Variants in FBLN2 observed in about 807,000 individuals in gnomAD.
FBLN2 encodes the protein fibulin-2.
FBLN2 carries 81 observed loss-of-function variants against 123.7 expected under a neutral mutation model. The ratio of observed to expected loss-of-function variants is 0.65; its 90% confidence interval spans 0.55 to 0.79. FBLN2 has a LOEUF of 0.79. Among genes scored for constraint, FBLN2 ranks in the 30% least tolerant of loss-of-function variants. FBLN2 has a pLI of 0.00. For missense variants in FBLN2, 1,603 were observed against 1,681.3 expected, an observed-to-expected ratio of 0.95 and a Z score of 0.81; for synonymous variants, 699 against 701.4, an observed-to-expected ratio of 1.00 and a Z score of 0.05.
intron 1 of FBLN2, among the ~76,000 whole-genome samples, chr3:13,554,243 C>G (rs1317111734): frequency 1.3e-5 from 2 of 152,182 alleles, no homozygotes; most frequent in African/African-American, 4.8e-5. Flanking sequence ...CCTGTGTCTC[C>G]CGTGGCTTCT....
rs1016212508 is a variant in FBLN2, at chr3:13,592,497, T to C, written c.1307-15565T>C. On this transcript the variant is annotated intron_variant, in intron 2 of 17. Coordinates refer to ENST00000404922, the MANE Select transcript of FBLN2 (RefSeq NM_001004019.2). ...CTGTTCTGGGTCCTTTGCATTTCCA[T>C]TGAAATTTGGAATTAGCCCTTTTAA... is the stretch of plus-strand genomic sequence containing the variant. 5.3e-5 allele frequency among the ~76,000 whole-genome samples: 8 copies of C among 152,338 alleles called. No homozygotes were observed. The South Asian group carries it at 6.2e-4, about 12-fold the overall frequency.
At chr3:13,617,977 G>A in intron 5 of FBLN2, 99 bp from the exon 6 acceptor site, 3 of 1,018,660 alleles carry the variant, frequency 2.9e-6, no homozygotes, top group Non-Finnish European at 4.5e-6. Flanking sequence ...GGCACACAGA[G>A]GTCTTGATGA....
intron 4 of FBLN2, among the ~76,000 whole-genome samples, chr3:13,611,646 T>C (rs1705394870): frequency 6.6e-6 from 1 of 152,248 alleles, no homozygotes; most frequent in Non-Finnish European, 1.5e-5. Context: ...TTCCATTGTG[T>C]GGACAGACCA....
At chr3:13,563,489 G>A (rs948603477) in intron 1 of FBLN2, among the ~76,000 whole-genome samples, 2 of 152,322 alleles carry the variant, frequency 1.3e-5, no homozygotes, top group Middle Eastern at 3.4e-3. Context: ...ATGGCTTCTC[G>A]TGGGTCACTG....
intron 1 of FBLN2, among the ~76,000 whole-genome samples, chr3:13,550,833 C>T (rs1049536533): frequency 6.6e-6 from 1 of 152,220 alleles, no homozygotes; most frequent in South Asian, 2.1e-4. Flanking sequence ...GAGGCACAAA[C>T]CTGCCAGCCC....
chr3:13,601,828 G>A (rs1245845105), intron 2 of FBLN2, among the ~76,000 whole-genome samples: 1 of 152,196 alleles, frequency 6.6e-6, no homozygotes, highest in Non-Finnish European at 1.5e-5. Flanking sequence ...TTGAGACAAG[G>A]TCTTTGTCAC....
rs977123284 is a variant in FBLN2, at chr3:13,572,531, C to T, written c.1306+870C>T. On this transcript the variant is annotated intron_variant, in intron 2 of 17. Coordinates refer to ENST00000404922, the MANE Select transcript of FBLN2 (RefSeq NM_001004019.2). ...AAGCCACCTGCCACAGAGTTCAATA[C>T]ACTCCATCGGGCACATCAGAGCAGG... Among the ~76,000 whole-genome samples the T allele has an allele frequency of 5.3e-5, 8 of 152,266 alleles. No individual in the cohort carries two copies. The East Asian group carries it at 7.7e-4, about 15-fold the overall frequency.
At chr3:13,613,254 G>A (rs372790366) in intron 4 of FBLN2, among the ~76,000 whole-genome samples, 3 of 152,308 alleles carry the variant, frequency 2.0e-5, no homozygotes, top group East Asian at 3.9e-4. Context: ...AAGAGGTTGG[G>A]AAATACACAC....
chr3:13,578,135 C>T (rs1704208547), intron 2 of FBLN2, among the ~76,000 whole-genome samples: 1 of 152,168 alleles, frequency 6.6e-6, no homozygotes, highest in Non-Finnish European at 1.5e-5. Flanking sequence ...GCTAGGCCTG[C>T]GGTGGGTTTC....
chr3:13,597,169 CA>C (rs1276146179), intron 2 of FBLN2, among the ~76,000 whole-genome samples: 1 of 152,168 alleles, frequency 6.6e-6, no homozygotes, highest in East Asian at 1.9e-4. Flanking sequence ...TGGCCTCAAG[CA>C]ACCCTCCTGC....
chr3:13,629,394 G>T lies in FBLN2; in HGVS notation c.2842+102G>T, dbSNP rs1467666863. The T allele has an allele frequency of 7.1e-6, 10 of 1,411,244 alleles. No homozygotes were observed. The East Asian group carries it at 7.5e-5, about 11-fold the overall frequency. 87.4% of individuals were successfully genotyped at this position (1,411,244 alleles called of 1,614,324 possible). A position where few individuals can be genotyped will look rare whatever the true frequency, so the allele number is the denominator to read the frequency against. ...GCCCAGCACCTCCACTGCCTGAGTG[G>T]GGCCCACCTGCTGGAGTCCACAAGG... is the stretch of plus-strand genomic sequence containing the variant. On this transcript the variant is annotated intron_variant, in intron 13 of 17. Coordinates refer to ENST00000404922, the MANE Select transcript of FBLN2 (RefSeq NM_001004019.2).
intron 2 of FBLN2, among the ~76,000 whole-genome samples, chr3:13,583,853 C>T (rs1347632566): frequency 6.6e-6 from 1 of 152,186 alleles, no homozygotes; most frequent in Admixed American, 6.5e-5. Context: ...TGCTTCCAGC[C>T]CCGTCCTCTA....
At chr3:13,635,401 C>CT (rs1706425531) in intron 16 of FBLN2, among the ~76,000 whole-genome samples, 1 of 152,020 alleles carries the variant, frequency 6.6e-6, no homozygotes, top group African/African-American at 2.4e-5. Flanking sequence ...CACACACACC[C>CT]ACACACACCC....
intron 2 of FBLN2, among the ~76,000 whole-genome samples, chr3:13,585,458 C>A (rs542589448): frequency 6.6e-6 from 1 of 152,126 alleles, no homozygotes; most frequent in Non-Finnish European, 1.5e-5. Flanking sequence ...TACAGTCAAG[C>A]GCTGCATAAT....
In FBLN2 at chr3:13,613,991, G is replaced by T; in HGVS notation, c.1556G>T (p.Cys519Phe). The change falls in exon 5 of 18, where the codon TGT (cysteine) becomes TTT (phenylalanine). Residue 519 changes from cysteine (C) to phenylalanine (F), a missense_variant. Transcript: ENST00000404922. ...AACTGTCTCTCCCTGCAGCAATGCT[G>T]TGACTGCTGTGGCCTGGGCCTCCGC... ...SCGISLYKQC[C>F]DCCGLGLRVR... 1 of 1,612,056 alleles carries T rather than the reference G, an allele frequency of 6.2e-7. No homozygotes were observed.
intron 1 of FBLN2, among the ~76,000 whole-genome samples, chr3:13,552,592 G>A (rs1703354209): frequency 6.6e-6 from 1 of 152,154 alleles, no homozygotes; most frequent in Non-Finnish European, 1.5e-5. Context: ...CCAGACAGAG[G>A]CGCTGCTCCT....
At chr3:13,583,162 A>G (rs1384294103) in intron 2 of FBLN2, among the ~76,000 whole-genome samples, 8 of 152,058 alleles carry the variant, frequency 5.3e-5, no homozygotes, top group Non-Finnish European at 1.2e-4. Flanking sequence ...GGGGAGGGGC[A>G]CCCTCCTCTA....
chr3:13,631,484 G>A lies in FBLN2; in HGVS notation c.3214+27G>A, dbSNP rs370867933. Reference sequence around the variant, plus strand: ...TGAGCAAGTCCCCCCACACGCCCCCGCCTCCATCAGGGCCTTGGGCAGGCT... The same window carrying A: ...TGAGCAAGTCCCCCCACACGCCCCCACCTCCATCAGGGCCTTGGGCAGGCT... On this transcript the variant is annotated intron_variant, in intron 16 of 17. Transcript: ENST00000404922. 3,777 of 1,564,026 alleles carry A rather than the reference G, an allele frequency of 2.4e-3. 80 individuals carry two copies. In the South Asian group the frequency reaches 0.029, roughly 12 times the overall value.
intron 2 of FBLN2, among the ~76,000 whole-genome samples, chr3:13,572,031 C>T (rs951226901): frequency 1.3e-5 from 2 of 152,212 alleles, no homozygotes; most frequent in East Asian, 1.9e-4. Flanking sequence ...ATGCGAAGGG[C>T]GGTCTCTTCT....
Sources: allele counts gnomAD v4.1 joint callset (sites outside exome capture counted in the v4.1 genomes callset), GRCh38; gene constraint gnomAD v4.1.1; transcripts MANE v1.5; gene names NCBI Gene and HGNC (gene_info 2026-07-23, HGNC 2026-07-21).